The following CYP4F22 variants were observed in gnomAD, a reference collection of about 807,000 sequenced individuals.
CYP4F22 encodes ultra-long-chain fatty acid omega-hydroxylase.
CYP4F22 carries 37 observed loss-of-function variants against 60.4 expected under a neutral mutation model. The observed-to-expected ratio is 0.61, with a 90% CI of 0.47 to 0.81. The LOEUF is 0.81. CYP4F22 is among the 30% of genes least tolerant of loss of function. The pLI, the probability that CYP4F22 is intolerant of heterozygous loss-of-function variation, is 0.00. For missense variants in CYP4F22, 655 were observed against 715.0 expected (o/e 0.92, Z 0.96); for synonymous variants, 258 against 280.5 (o/e 0.92, Z 0.80).
chr19:15,510,005 A>AG (rs1381315192), intron 1 of CYP4F22, among the ~76,000 whole-genome samples: 2 of 147,846 alleles, frequency 1.4e-5, no homozygotes, highest in Non-Finnish European at 3.0e-5. Flanking sequence ...TTGTTGAGAC[A>AG]GGGTCTCACT....
rs558445619 is a variant in CYP4F22 at position 15,546,747 on chromosome 19, T to TTTTC, written c.1137-1349_1137-1346dup. ...CTTTTCTTTTCTTTCTTTTTTCTTT[T>TTTTC]TTTCTTTCTTTCTTTTTTTGAGATA... is the stretch of plus-strand genomic sequence containing the variant. On this transcript the variant is annotated intron_variant, in intron 10 of 13. Transcript: ENST00000269703. Among the ~76,000 whole-genome samples the TTTTC allele has an allele frequency of 3.6e-3, 555 of 152,202 alleles. 2 individuals carry two copies. Among genetic ancestry groups the TTTTC allele is most frequent in the African/African-American group, 0.013 (533 of 41,536 alleles).
In CYP4F22 at chr19:15,551,274, C is replaced by A; in HGVS notation, c.1419-20C>A. On this transcript the variant is annotated intron_variant, in intron 13 of 13. Transcript: ENST00000269703. ...GCTCACACAGAAGCTGGGCCTGAGCCCTGTCCCCTCTTCCTCCAGGAATTG... is the reference window on the plus strand; with the variant it reads ...GCTCACACAGAAGCTGGGCCTGAGCACTGTCCCCTCTTCCTCCAGGAATTG... 6.2e-7 allele frequency: 1 copy of A among 1,606,770 alleles called. No individual in the cohort carries two copies. Among genetic ancestry groups the A allele is most frequent in the Non-Finnish European group, 8.5e-7 (1 of 1,176,752 alleles).
intron 8 of CYP4F22, among the ~76,000 whole-genome samples, chr19:15,541,197 G>C (rs1408928046): frequency 6.6e-6 from 1 of 152,186 alleles, no homozygotes; most frequent in Non-Finnish European, 1.5e-5. Flanking sequence ...CTATTACAAA[G>C]TACCACAAAC....
intron 1 of CYP4F22, among the ~76,000 whole-genome samples, chr19:15,516,995 A>G (rs889594383): frequency 6.6e-6 from 1 of 151,854 alleles, no homozygotes; most frequent in South Asian, 2.1e-4. Context: ...GATTTTTTGT[A>G]TTATCAGTAG....
intron 4 of CYP4F22, among the ~76,000 whole-genome samples, chr19:15,534,645 A>C (rs1286631758): frequency 6.6e-6 from 1 of 152,030 alleles, no homozygotes; most frequent in Non-Finnish European, 1.5e-5. Context: ...GGAGGGGAAA[A>C]CTGGTGAGGA....
chr19:15,520,656 C>T (rs552461525), intron 1 of CYP4F22, among the ~76,000 whole-genome samples: 13 of 152,180 alleles, frequency 8.5e-5, no homozygotes, highest in African/African-American at 2.9e-4. Flanking sequence ...GGCACGATCT[C>T]GGCTCACTGC....
In CYP4F22 at chr19:15,509,900, C is replaced by CTTTCTTTCTTTCTTT. The variant is rs1555725970; in HGVS notation, c.-109+1317_-109+1318insTTTCTTTCTTTCTTT. 2.9e-3 allele frequency among the ~76,000 whole-genome samples: 256 copies of CTTTCTTTCTTTCTTT among 87,812 alleles called. 10 individuals are homozygous for CTTTCTTTCTTTCTTT. Among genetic ancestry groups the CTTTCTTTCTTTCTTT allele is most frequent in the Admixed American group, 6.4e-3 (52 of 8,082 alleles). The allele number at this position is 87,812 out of a possible 152,430, so 57.6% of individuals were successfully genotyped here. A position where few individuals can be genotyped will look rare whatever the true frequency, so the allele number is the denominator to read the frequency against. Reference sequence around the variant, plus strand: ...TCCTTCCTTCCTTCCTTCCTTCCTTCCTTCCTTTCTTTCTTTCCTTCCTTC... The same window carrying CTTTCTTTCTTTCTTT: ...TCCTTCCTTCCTTCCTTCCTTCCTTCTTTCTTTCTTTCTTTCTTCCTTTCTTTCTTTCCTTCCTTC... On this transcript the variant is annotated intron_variant, in intron 1 of 13. Transcript: ENST00000269703.
chr19:15,517,717 A>G (rs1166707218), intron 1 of CYP4F22, among the ~76,000 whole-genome samples: 2 of 152,188 alleles, frequency 1.3e-5, no homozygotes, highest in Non-Finnish European at 2.9e-5. Flanking sequence ...GGAGTGAATG[A>G]TAGTGAAAAT....
intron 4 of CYP4F22, among the ~76,000 whole-genome samples, chr19:15,530,826 C>T (rs1406343455): frequency 6.6e-6 from 1 of 152,070 alleles, no homozygotes; most frequent in Non-Finnish European, 1.5e-5. Flanking sequence ...TCGCATGACA[C>T]ATAGGGATTA....
intron 10 of CYP4F22, among the ~76,000 whole-genome samples, chr19:15,544,709 C>G (rs570006261): frequency 6.6e-6 from 1 of 152,210 alleles, no homozygotes; most frequent in African/African-American, 2.4e-5. Context: ...CAGAGGCTAC[C>G]CTGGGTCGTA....
rs770500550 is a variant in CYP4F22, at chr19:15,537,579, C to G, written c.466C>G (p.Arg156Gly). The G allele has an allele frequency of 6.2e-7, 1 of 1,614,160 alleles. No individual in the cohort carries two copies. The highest frequency in any genetic ancestry group is 1.1e-5 in the South Asian group (1 of 91,082). The change falls in exon 6 of 14, where the codon CGT (arginine) becomes GGT (glycine). Residue 156 changes from arginine to glycine, a missense_variant. This residue lies in a region of CYP4F22 where 430 missense variants were observed against 457.1 expected (regional missense o/e 0.94). Coordinates refer to ENST00000269703, the MANE Select transcript of CYP4F22 (RefSeq NM_173483.4). ...LSKGDKWSRH[R>G]RLLTPAFHFD... ...CAAAGGTGACAAGTGGAGCCGGCACCGTCGCCTGCTGACACCCGCCTTCCA... is the reference window on the plus strand; with the variant it reads ...CAAAGGTGACAAGTGGAGCCGGCACGGTCGCCTGCTGACACCCGCCTTCCA...
chr19:15,530,677 C>G (rs765930989), intron 4 of CYP4F22, among the ~76,000 whole-genome samples: 2 of 152,240 alleles, frequency 1.3e-5, no homozygotes, highest in South Asian at 2.1e-4. Flanking sequence ...ACACGTCCTT[C>G]TTCACATGGC....
At chr19:15,531,428 C>G (rs1370620444) in intron 4 of CYP4F22, among the ~76,000 whole-genome samples, 2 of 151,644 alleles carry the variant, frequency 1.3e-5, no homozygotes, top group Non-Finnish European at 2.9e-5. Context: ...TTTAGGATCT[C>G]TGTCCCAGCT....
intron 7 of CYP4F22, among the ~76,000 whole-genome samples, chr19:15,538,731 T>G (rs963687754): frequency 6.6e-6 from 1 of 152,210 alleles, no homozygotes; most frequent in African/African-American, 2.4e-5. Context: ...ACGTTCCAGT[T>G]GGATAAGGCA....
At chr19:15,544,892 C>T (rs1220794696) in intron 10 of CYP4F22, among the ~76,000 whole-genome samples, 5 of 152,084 alleles carry the variant, frequency 3.3e-5, no homozygotes. Context: ...GAAACCCCAT[C>T]TCTACTAAAA....
rs1419731471 is a variant in CYP4F22, at chr19:15,548,191, G to A, written c.1220G>A (p.Arg407His). The A allele has an allele frequency of 9.9e-6, 16 of 1,613,912 alleles. No homozygotes were observed. Among genetic ancestry groups the A allele is most frequent in the Non-Finnish European group, 1.4e-5 (16 of 1,180,022 alleles). ...TACCCACCTGTCACTCTTGTCTCTC[G>A]CCAATGCACGGAGGACATCAAGCTC... Reference protein sequence around the residue: ...RQYPPVTLVSRQCTEDIKLPD... With the variant: ...RQYPPVTLVSHQCTEDIKLPD... The change falls in exon 11 of 14, where the codon CGC (arginine) becomes CAC (histidine). Residue 407 changes from arginine to histidine, a missense_variant. Arg to His is a conservative substitution (Grantham distance 29, BLOSUM62 0). Around this residue, in one of 3 missense-constraint regions of CYP4F22, gnomAD observed 74 missense variants for 118.4 expected, o/e 0.62. Coordinates refer to ENST00000269703, the MANE Select transcript of CYP4F22 (RefSeq NM_173483.4).
chr19:15,548,168 C>G lies in CYP4F22; in HGVS notation c.1197C>G (p.Tyr399Ter). 6.2e-7 allele frequency: 1 copy of G among 1,614,084 alleles called. No homozygotes were observed. Among genetic ancestry groups the G allele is most frequent in the Non-Finnish European group, 8.5e-7 (1 of 1,180,022 alleles). Reference sequence around the variant, plus strand: ...GCATTAAGGAGAGCCTGCGCCAGTACCCACCTGTCACTCTTGTCTCTCGCC... The same window carrying G: ...GCATTAAGGAGAGCCTGCGCCAGTAGCCACCTGTCACTCTTGTCTCTCGCC... ...TMCIKESLRQ[Y>*]PPVTLVSRQC... Residue 399 changes from tyrosine (Y) to a stop codon, truncating the protein, a stop_gained, in exon 11 of 14, where the codon TAC becomes TAG. Transcript: ENST00000269703. LOFTEE classifies it high-confidence loss of function.
At chr19:15,514,708 G>A (rs1971134175) in intron 1 of CYP4F22, among the ~76,000 whole-genome samples, 1 of 151,726 alleles carries the variant, frequency 6.6e-6, no homozygotes, top group African/African-American at 2.4e-5. Context: ...AAAGAAAGAA[G>A]GAAGGAAGGC....
At chr19:15,528,378 T>G (rs1356785411) in intron 3 of CYP4F22, among the ~76,000 whole-genome samples, 1 of 152,116 alleles carries the variant, frequency 6.6e-6, no homozygotes, top group East Asian at 1.9e-4. Flanking sequence ...AGCTTGGGAA[T>G]TAACGCCCCC....
Sources: allele counts gnomAD v4.1 joint callset (sites outside exome capture counted in the v4.1 genomes callset), GRCh38; gene constraint gnomAD v4.1.1; regional missense constraint gnomAD v4.1.1; transcripts MANE v1.5; gene names NCBI Gene and HGNC (gene_info 2026-07-23, HGNC 2026-07-21).